Variants in DLGAP1 observed in about 807,000 individuals in gnomAD.
The protein encoded by DLGAP1 is disks large-associated protein 1.
In DLGAP1, 11 loss-of-function variants were observed where a neutral mutation model predicts 90.8. The observed-to-expected ratio is 0.12, with a 90% CI of 0.08 to 0.20. DLGAP1 has a LOEUF of 0.20. DLGAP1 is among the 10% of genes least tolerant of loss of function. The probability of loss-of-function intolerance (pLI) is 1.00; values close to 1 mark genes in which losing one functional copy is unlikely to be tolerated. For synonymous variants in DLGAP1, 558 were observed against 540.7 expected (o/e 1.03, Z -0.44); for missense variants, 1,050 against 1,333.8 (o/e 0.79, Z 3.31).
intron 9 of DLGAP1, among the ~76,000 whole-genome samples, chr18:3,535,072 CTGTGTGTGTGTGTGTGTG>C (rs111975324): frequency 2.1e-5 from 3 of 144,642 alleles, no homozygotes; most frequent in Non-Finnish European, 3.0e-5. Context: ...TCAATCTTCT[CTGTGTGTGTGTGTGTGTG>C]TGTGTGTGTG....
At chr18:3,848,983 C>T (rs924986637) in intron 4 of DLGAP1, among the ~76,000 whole-genome samples, 7 of 152,190 alleles carry the variant, frequency 4.6e-5, no homozygotes, top group African/African-American at 1.7e-4. Flanking sequence ...TGACATGGTC[C>T]TGCATCTTTC....
At chr18:3,786,284 T>C (rs1372800247) in intron 5 of DLGAP1, among the ~76,000 whole-genome samples, 1 of 152,158 alleles carries the variant, frequency 6.6e-6, no homozygotes, top group East Asian at 1.9e-4. Flanking sequence ...GCTGAGATAA[T>C]TCAAATGCAT....
Position 3,572,424 on chromosome 18 carries a change from TTTTA to T in DLGAP1, c.1966-4847_1966-4844del, listed in dbSNP as rs570469306. 6.0e-5 allele frequency among the ~76,000 whole-genome samples: 8 copies of T among 133,378 alleles called. No individual in the cohort carries two copies. The East Asian group carries it at 2.1e-3, about 35-fold the overall frequency. 87.5% of individuals were successfully genotyped at this position (133,378 alleles called of 152,430 possible). A position where few individuals can be genotyped will look rare whatever the true frequency, so the allele number is the denominator to read the frequency against. Reference sequence around the variant, plus strand: ...TTAAGCAGAAGTTTAGATTGGTTTCTTTTATTTATTTATTTGTTTGTTTGTTTGT... The same window carrying T: ...TTAAGCAGAAGTTTAGATTGGTTTCTTTTATTTATTTGTTTGTTTGTTTGT... On this transcript the variant is annotated intron_variant, in intron 8 of 12. Transcript: ENST00000315677.
chr18:4,093,222 A>G (rs2075616438), intron 2 of DLGAP1, among the ~76,000 whole-genome samples: 2 of 152,230 alleles, frequency 1.3e-5, no homozygotes, highest in Admixed American at 1.3e-4. Context: ...TGAAGGCTAC[A>G]TTACAACTAT....
chr18:3,519,184 C>A (rs141369133), intron 10 of DLGAP1, among the ~76,000 whole-genome samples: 13 of 152,226 alleles, frequency 8.5e-5, no homozygotes, highest in Admixed American at 2.6e-4. Flanking sequence ...AGACTCACTG[C>A]AAAACGAAGG....
chr18:3,992,760 T>C (rs971636567), intron 3 of DLGAP1, among the ~76,000 whole-genome samples: 1 of 152,182 alleles, frequency 6.6e-6, no homozygotes, highest in African/African-American at 2.4e-5. Context: ...AATATTGGCA[T>C]GGATGAGTGT....
intron 9 of DLGAP1, among the ~76,000 whole-genome samples, chr18:3,543,824 C>T (rs1326971928): frequency 2.6e-5 from 4 of 151,848 alleles, no homozygotes; most frequent in Non-Finnish European, 5.9e-5. Flanking sequence ...GCTAGGGGTA[C>T]GAGGAGGACA....
At chr18:4,087,543 G>A (rs2075704865) in intron 2 of DLGAP1, among the ~76,000 whole-genome samples, 1 of 152,090 alleles carries the variant, frequency 6.6e-6, no homozygotes, top group African/African-American at 2.4e-5. Context: ...CTGGCTTGCT[G>A]TCAATAAATA....
At chr18:3,744,462 A>G (rs994823605) in intron 5 of DLGAP1, among the ~76,000 whole-genome samples, 1 of 152,228 alleles carries the variant, frequency 6.6e-6, no homozygotes, top group Non-Finnish European at 1.5e-5. Context: ...AATTAATGCA[A>G]AAAACCCCCA....
intron 7 of DLGAP1, among the ~76,000 whole-genome samples, chr18:3,614,686 C>CAAAAAAA (rs35764644): frequency 9.5e-6 from 1 of 105,002 alleles, no homozygotes; most frequent in African/African-American, 3.7e-5. Context: ...ACTAAAAATA[C>CAAAAAAA]AAAAAAAAAA....
intron 2 of DLGAP1, among the ~76,000 whole-genome samples, chr18:4,067,528 G>A (rs1201496070): frequency 6.6e-6 from 1 of 151,832 alleles, no homozygotes; most frequent in Non-Finnish European, 1.5e-5. Context: ...TGCCAAAGCA[G>A]ACTCTTTGTA....
intron 3 of DLGAP1, among the ~76,000 whole-genome samples, chr18:3,946,105 T>C (rs964187150): frequency 6.9e-6 from 1 of 144,698 alleles, no homozygotes; most frequent in Non-Finnish European, 1.5e-5. Flanking sequence ...TTTTATGACA[T>C]AGGTACTTTA....
intron 1 of DLGAP1, among the ~76,000 whole-genome samples, chr18:4,231,401 G>T (rs1385583164): frequency 6.6e-6 from 1 of 152,152 alleles, no homozygotes; most frequent in East Asian, 1.9e-4. Context: ...GCTGGGTTTT[G>T]ATTGGATTTT....
intron 7 of DLGAP1, among the ~76,000 whole-genome samples, chr18:3,624,923 C>G (rs1408795859): frequency 6.6e-6 from 1 of 152,092 alleles, no homozygotes; most frequent in Non-Finnish European, 1.5e-5. Flanking sequence ...CTCATAAGAA[C>G]CAAAAATAGC....
intron 6 of DLGAP1, among the ~76,000 whole-genome samples, chr18:3,741,190 AC>A (rs1479797815): frequency 1.7e-5 from 1 of 60,242 alleles, no homozygotes; most frequent in Admixed American, 2.1e-4. Flanking sequence ...CACCACCACC[AC>A]CACCACCAAA....
At chr18:4,178,954 T>A (rs1345747392) in intron 1 of DLGAP1, among the ~76,000 whole-genome samples, 1 of 152,176 alleles carries the variant, frequency 6.6e-6, no homozygotes, top group Admixed American at 6.6e-5. Context: ...AACATTTTTA[T>A]TTATAATAAA....
chr18:3,664,218 C>CCCA (rs1555620387), intron 7 of DLGAP1, among the ~76,000 whole-genome samples: 32 of 75,828 alleles, frequency 4.2e-4, no homozygotes, highest in African/African-American at 8.7e-4. Context: ...ACACACACAC[C>CCCA]CACACACACA....
At chr18:3,736,244 G>C (rs757741948) in intron 6 of DLGAP1, among the ~76,000 whole-genome samples, 8 of 152,024 alleles carry the variant, frequency 5.3e-5, no homozygotes, top group Non-Finnish European at 8.8e-5. Flanking sequence ...TAAAATATTG[G>C]ACTTTCTATA....
chr18:4,215,867 A>G (rs1012935187), intron 1 of DLGAP1, among the ~76,000 whole-genome samples: 2 of 152,122 alleles, frequency 1.3e-5, no homozygotes, highest in Non-Finnish European at 2.9e-5. Flanking sequence ...GCAGGAACAC[A>G]TTTGGGTAGG....
Sources: gnomAD v4.1 joint callset for allele counts (sites outside exome capture counted in the v4.1 genomes callset) on GRCh38, gnomAD v4.1.1 for gene constraint, MANE v1.5 for transcripts, NCBI Gene and HGNC (gene_info 2026-07-23, HGNC 2026-07-21) for gene names.